Variants in GOLGA3 observed in about 807,000 individuals in gnomAD.
GOLGA3 encodes golgin subfamily A member 3.
A neutral mutation model predicts 169.4 loss-of-function variants in GOLGA3; 75 were observed. The ratio of observed to expected loss-of-function variants is 0.44; its 90% CI spans 0.37 to 0.54. The LOEUF (loss-of-function observed/expected upper bound fraction) is 0.54. GOLGA3 is among the 20% of genes least tolerant of loss of function. The pLI, the probability that GOLGA3 is intolerant of heterozygous loss-of-function variation, is 0.00. For synonymous variants in GOLGA3, 824 were observed against 822.4 expected (o/e 1.00, Z -0.03); for missense variants, 1,899 against 1,930.0 (o/e 0.98, Z 0.30).
intron 2 of GOLGA3, among the ~76,000 whole-genome samples, chr12:132,821,182 G>A (rs893215303): frequency 6.6e-6 from 1 of 151,304 alleles, no homozygotes; most frequent in Non-Finnish European, 1.5e-5. Flanking sequence ...CAAGGTGGGC[G>A]GATCACCTGA....
rs1468346813 is a variant in GOLGA3, at chr12:132,771,793, C to G, written c.*1312G>C. On this transcript the variant is annotated 3_prime_UTR_variant, in exon 24 of 24. Transcript: ENST00000450791. ...GTTTGTTACCGCCTGCGACCTACAC[C>G]TGGCTGACTCCAGGGGAAACCGCGG... The G allele has an allele frequency of 3.3e-5, 5 of 152,338 alleles. No individual in the cohort carries two copies. The highest frequency in any genetic ancestry group is 7.3e-5 in the Non-Finnish European group (5 of 68,086). The allele number at this position is 152,338 out of a possible 1,614,324, so 9.4% of individuals were successfully genotyped here.
chr12:132,829,068 G>A (rs1231363879), upstream of GOLGA3, among the ~76,000 whole-genome samples: 1 of 152,254 alleles, frequency 6.6e-6, no homozygotes, highest in Non-Finnish European at 1.5e-5. Flanking sequence ...AGAGTTTGCG[G>A]ACCTTTCCCT....
chr12:132,796,433 G>A lies in GOLGA3; in HGVS notation c.2100+106C>T, dbSNP rs896761788. On this transcript the variant is annotated intron_variant, in intron 10 of 23. Transcript: ENST00000450791. ...CCGACAGCCCAACTCCCACCTGAGC[G>A]GACGTGGCCCCACAGCAGAGGACTG... The A allele has an allele frequency of 1.7e-5, 22 of 1,329,874 alleles. No homozygotes were observed. In the South Asian group the frequency reaches 1.8e-4, roughly 11 times the overall value. The allele number at this position is 1,329,874 out of a possible 1,614,324, so 82.4% of individuals were successfully genotyped here.
chr12:132,819,761 C>T (rs965681645), intron 2 of GOLGA3, among the ~76,000 whole-genome samples: 1 of 152,090 alleles, frequency 6.6e-6, no homozygotes, highest in Non-Finnish European at 1.5e-5. Context: ...TGGGTTAGGC[C>T]GGGCGCAGTG....
At chr12:132,822,678 T>C (rs746502083) in intron 1 of GOLGA3, among the ~76,000 whole-genome samples, 7 of 152,166 alleles carry the variant, frequency 4.6e-5, no homozygotes, top group Non-Finnish European at 7.3e-5. Flanking sequence ...CCCAGCACTT[T>C]GGGAGGCCGA....
rs1237626239 is a variant in GOLGA3, at chr12:132,786,677, G to A, written c.2906+16C>T. ...CACCTGGCCCCCGCACCTCCCCCGG[G>A]CACATGCAGACTTACTTCCGGGCCT... On this transcript the variant is annotated intron_variant, in intron 14 of 23. Transcript: ENST00000450791. 6.4e-7 allele frequency: 1 copy of A among 1,573,382 alleles called. No homozygotes were observed. Among genetic ancestry groups the A allele is most frequent in the East Asian group, 2.3e-5 (1 of 44,386 alleles).
Position 132,788,686 on chromosome 12 carries a change from G to A in GOLGA3, c.2811+341C>T, listed in dbSNP as rs530573973. 1.9e-3 allele frequency among the ~76,000 whole-genome samples: 283 copies of A among 152,324 alleles called. 1 individual carries two copies. The highest frequency in any genetic ancestry group is 3.4e-3 in the Non-Finnish European group (231 of 68,028). On this transcript the variant is annotated intron_variant, in intron 13 of 23. Coordinates refer to ENST00000450791, the MANE Select transcript of GOLGA3 (RefSeq NM_001389683.1). ...ACTCACCCTTGCTTTCTGCATGACA[G>A]CCGCTGTCCTCTCACATGCTAGATC...
chr12:132,775,001 C>G, intron 22 of GOLGA3, 140 bp downstream of exon 22: 1 of 646,260 alleles, frequency 1.5e-6, no homozygotes, highest in Non-Finnish European at 2.6e-6. Context: ...CACCCCATTA[C>G]CACTGACTAC....
chr12:132,782,221 A>T, intron 17 of GOLGA3, 75 bp downstream of exon 17: 1 of 1,293,978 alleles, frequency 7.7e-7, no homozygotes, highest in Non-Finnish European at 1.1e-6. Context: ...CTGAATCTGG[A>T]TGAGATTCTC....
chr12:132,789,121 C>T lies in GOLGA3; in HGVS notation c.2717G>A (p.Arg906Lys). Residue 906 changes from arginine to lysine, a missense_variant, in exon 13 of 24, where the codon AGA (arginine) becomes AAA (lysine). Transcript: ENST00000450791. ...GTGCTGACGGACCTGGGCCACCTCT[C>T]TGTGCAGGCGCGAGAGCTCCGCCTC... is the stretch of plus-strand genomic sequence containing the variant. Reference protein sequence around the residue: ...TAEAELSRLHREVAQVRQHMA... With the variant: ...TAEAELSRLHKEVAQVRQHMA... 2.5e-6 allele frequency: 4 copies of T among 1,613,446 alleles called. No homozygotes were observed. In the African/African-American group the frequency reaches 5.3e-5, roughly 21 times the overall value.
At chr12:132,824,815 A>G (rs1950345663) in intron 1 of GOLGA3, among the ~76,000 whole-genome samples, 1 of 152,128 alleles carries the variant, frequency 6.6e-6, no homozygotes. Flanking sequence ...AACCCTCTGA[A>G]AATCACTTTC....
At chr12:132,774,371 C>A (rs753258173) in intron 22 of GOLGA3, 51 bp from the exon 23 acceptor site, 11 of 1,595,344 alleles carry the variant, frequency 6.9e-6, no homozygotes, top group South Asian at 1.1e-5. Flanking sequence ...TCCCTCGGGT[C>A]AGTCTCACTA....
Position 132,816,747 on chromosome 12 carries a change from A to G in GOLGA3, c.199T>C (p.Cys67Arg). The change falls in exon 3 of 24, where the codon TGT becomes CGT. Residue 67 changes from cysteine (C) to arginine (R), a missense_variant. Coordinates refer to ENST00000450791, the MANE Select transcript of GOLGA3 (RefSeq NM_001389683.1). ...AAGGGTGGCGTTGGCCCGTTCTGACAGAGGCCTCCCTGGCCAGGTCCATCC... is the reference window on the plus strand; with the variant it reads ...AAGGGTGGCGTTGGCCCGTTCTGACGGAGGCCTCCCTGGCCAGGTCCATCC... ...SPDGPGQGGL[C>R]QNGPTPPFPD... 6.2e-7 allele frequency: 1 copy of G among 1,613,670 alleles called. No homozygotes were observed.
chr12:132,803,508 C>T (rs571004838), intron 7 of GOLGA3, among the ~76,000 whole-genome samples: 2 of 152,244 alleles, frequency 1.3e-5, no homozygotes, highest in Admixed American at 6.5e-5. Flanking sequence ...TGCCACCCCC[C>T]GATCACTGGT....
At position 132,802,366 on chromosome 12, in the gene GOLGA3, ACGGGGGTG is replaced by A. The variant is rs2136537060; in HGVS notation, c.1598-405_1598-398del. Among the ~76,000 whole-genome samples the A allele has an allele frequency of 1.0e-4, 11 of 109,782 alleles. No individual in the cohort carries two copies. The South Asian group carries it at 3.7e-3, about 37-fold the overall frequency. 72.0% of individuals were successfully genotyped at this position (109,782 alleles called of 152,430 possible). On this transcript the variant is annotated intron_variant, in intron 7 of 23. Transcript: ENST00000450791. ...CTCTAGGAAATAACAGTGGCCGGAC[ACGGGGGTG>A]CAGGGGGCATGGGGGGTGCAGGGGG...
At chr12:132,796,492 G>T in intron 10 of GOLGA3, 47 bp downstream of exon 10, 1 of 1,572,010 alleles carries the variant, frequency 6.4e-7, no homozygotes, top group Non-Finnish European at 8.6e-7. Flanking sequence ...TGGCTGCTCG[G>T]GATCACCTGG....
chr12:132,784,994 G>A (rs564448785), intron 15 of GOLGA3, among the ~76,000 whole-genome samples: 11 of 152,332 alleles, frequency 7.2e-5, no homozygotes, highest in Middle Eastern at 3.4e-3. Flanking sequence ...CCCTTGCCAA[G>A]CATGTTCCAG....
intron 23 of GOLGA3, 37 bp downstream of exon 23, chr12:132,774,120 A>C: frequency 1.3e-6 from 2 of 1,528,438 alleles, no homozygotes; most frequent in South Asian, 2.5e-5. Flanking sequence ...ATTAATCTTT[A>C]AGACTAGCTG....
chr12:132,813,970 C>T (rs1236628823), intron 3 of GOLGA3, among the ~76,000 whole-genome samples: 6 of 151,668 alleles, frequency 4.0e-5, no homozygotes, highest in African/African-American at 9.7e-5. Context: ...ATGATCCACC[C>T]GCCTCGGCCT....
Sources: gnomAD v4.1 joint callset for allele counts (sites outside exome capture counted in the v4.1 genomes callset) on GRCh38, gnomAD v4.1.1 for gene constraint, MANE v1.5 for transcripts, NCBI Gene and HGNC (gene_info 2026-07-23, HGNC 2026-07-21) for gene names.